The following VCAN variants were observed in gnomAD, a reference collection of about 807,000 sequenced individuals.
The protein encoded by VCAN is versican.
A neutral mutation model predicts 245.5 loss-of-function variants in VCAN; 44 were observed. The ratio of observed to expected loss-of-function variants is 0.18; its 90% CI spans 0.14 to 0.23. The LOEUF is 0.23. Among genes scored for constraint, VCAN ranks in the 10% least tolerant of loss-of-function variants. VCAN has a pLI of 1.00. For missense variants in VCAN, 3,793 were observed against 4,057.9 expected, an observed-to-expected ratio of 0.93 and a Z score of 1.77; for synonymous variants, 1,413 against 1,437.0, an observed-to-expected ratio of 0.98 and a Z score of 0.38.
chr5:83,540,184 C>A lies in VCAN; in HGVS notation c.7181C>A (p.Thr2394Lys). 6.2e-7 allele frequency: 1 copy of A among 1,614,038 alleles called. No homozygotes were observed. The highest frequency in any genetic ancestry group is 8.5e-7 in the Non-Finnish European group (1 of 1,179,986). ...TCTTCAACAGCAGAAATTAACGAAA[C>A]AACAACCTCATCTACTGATTTTCTG... is the stretch of plus-strand genomic sequence containing the variant. ...KNSSTAEINE[T>K]TTSSTDFLAR... The change falls in exon 8 of 15, where the codon ACA becomes AAA. Residue 2394 changes from threonine (T) to lysine (K), a missense_variant. Transcript: ENST00000265077.
rs78950441 is a variant in VCAN at position 83,493,293 on chromosome 5, C to G, written c.446-253C>G. ...ACTATTGGGATTCAGTGACTTAAAT[C>G]TCTTCCTTGATCTAGGAGATCCCCT... On this transcript the variant is annotated intron_variant, in intron 3 of 14. Coordinates refer to ENST00000265077, the MANE Select transcript of VCAN (RefSeq NM_004385.5). Among the ~76,000 whole-genome samples the G allele has an allele frequency of 3.0e-3, 457 of 152,286 alleles. 1 individual carries two copies. Among genetic ancestry groups the G allele is most frequent in the Middle Eastern group, 0.024 (7 of 292 alleles).
Position 83,521,626 on chromosome 5 carries a change from G to A in VCAN, c.3320G>A (p.Gly1107Asp), listed in dbSNP as rs200488735. 1.9e-6 allele frequency: 3 copies of A among 1,613,902 alleles called. No individual in the cohort carries two copies. The highest frequency in any genetic ancestry group is 3.3e-5 in the Admixed American group (2 of 60,002). Reference sequence around the variant, plus strand: ...GATCACAGTGTGTCTTATCCACCAGGTGCTGTAACTGAGCACAAAGTGAAA... The same window carrying A: ...GATCACAGTGTGTCTTATCCACCAGATGCTGTAACTGAGCACAAAGTGAAA... ...KIDHSVSYPP[G>D]AVTEHKVKTD... is the part of the protein sequence containing the mutation. Residue 1107 changes from glycine (G) to aspartate (D), a missense_variant, in exon 7 of 15, where the codon GGT becomes GAT. Coordinates refer to ENST00000265077, the MANE Select transcript of VCAN (RefSeq NM_004385.5).
Position 83,541,730 on chromosome 5 carries a change from A to C in VCAN, c.8727A>C (p.Leu2909Phe), listed in dbSNP as rs1421929642. The C allele has an allele frequency of 1.2e-6, 2 of 1,613,958 alleles. No homozygotes were observed. The highest frequency in any genetic ancestry group is 1.3e-5 in the African/African-American group (1 of 74,928). Residue 2909 changes from leucine to phenylalanine, a missense_variant, in exon 8 of 15, where the codon TTA (leucine) becomes TTC (phenylalanine). Transcript: ENST00000265077. The part of the protein sequence containing the change: ...EPSEDDGKPE[L>F]LEEMEASPTE... Reference sequence around the variant, plus strand: ...CAGAAGATGATGGTAAACCTGAGTTATTAGAAGAAATGGAAGCTTCTCCCA... The same window carrying C: ...CAGAAGATGATGGTAAACCTGAGTTCTTAGAAGAAATGGAAGCTTCTCCCA...
At chr5:83,477,340 A>G (rs923648246) in intron 1 of VCAN, among the ~76,000 whole-genome samples, 5 of 152,180 alleles carry the variant, frequency 3.3e-5, no homozygotes, top group Non-Finnish European at 7.4e-5. Flanking sequence ...GTTTAGTTTC[A>G]TTAATCAGAA....
At position 83,520,787 on chromosome 5, in the gene VCAN, C is replaced by A. The variant is rs1365692916; in HGVS notation, c.2481C>A (p.Pro827=). 1.2e-6 allele frequency: 2 copies of A among 1,614,084 alleles called. No homozygotes were observed. Among genetic ancestry groups the A allele is most frequent in the Non-Finnish European group, 1.7e-6 (2 of 1,179,992 alleles). The change falls in exon 7 of 15, where the codon CCC becomes CCA. Residue 827 remains proline (P), a synonymous_variant. Coordinates refer to ENST00000265077, the MANE Select transcript of VCAN (RefSeq NM_004385.5). ...AACCTTCAGCCTCTTCAAAATTGCC[C>A]CCTGCCTTACTCACAACTGTGGGGA... ...STEPSASSKL[P]PALLTTVGMN...
At chr5:83,575,642 C>T (rs531437498) in intron 13 of VCAN, among the ~76,000 whole-genome samples, 1 of 152,284 alleles carries the variant, frequency 6.6e-6, no homozygotes, top group East Asian at 1.9e-4. Flanking sequence ...TTAGCATAAT[C>T]CCTGCCCTTT....
At chr5:83,572,348 A>C (rs933250977) in intron 12 of VCAN, 68 bp from the exon 13 acceptor site, 428 of 1,545,666 alleles carry the variant, frequency 2.8e-4, no homozygotes, top group Non-Finnish European at 3.4e-4. Context: ...ATTGTGATAT[A>C]ATACCGTCGT....
chr5:83,535,996 G>A (rs370938518), intron 7 of VCAN: 7 of 152,250 alleles, frequency 4.6e-5, no homozygotes, highest in African/African-American at 1.7e-4. Flanking sequence ...CCTCTATGAT[G>A]AGACCTCAGA....
chr5:83,486,420 C>A (rs1236660834), intron 2 of VCAN, among the ~76,000 whole-genome samples: 1 of 152,120 alleles, frequency 6.6e-6, no homozygotes, highest in Non-Finnish European at 1.5e-5. Flanking sequence ...CCAATTGGAT[C>A]ATGAAGACAT....
At chr5:83,529,363 A>C (rs1251378842) in intron 7 of VCAN, among the ~76,000 whole-genome samples, 1 of 151,460 alleles carries the variant, frequency 6.6e-6, no homozygotes, top group Non-Finnish European at 1.5e-5. Context: ...CACCACAATA[A>C]AAAAGAACAA....
intron 7 of VCAN, chr5:83,536,729 C>T (rs191828466): frequency 3.9e-6 from 1 of 254,172 alleles, no homozygotes; most frequent in East Asian, 7.5e-5. Context: ...TATGTGATTC[C>T]TTGCTTCATT....
chr5:83,575,582 G>A (rs1314193261), intron 13 of VCAN, among the ~76,000 whole-genome samples: 1 of 152,054 alleles, frequency 6.6e-6, no homozygotes, highest in Non-Finnish European at 1.5e-5. Context: ...TGACATTTTT[G>A]GTCAGATAAT....
At chr5:83,560,785 C>T (rs1580068583) in intron 12 of VCAN, among the ~76,000 whole-genome samples, 1 of 152,066 alleles carries the variant, frequency 6.6e-6, no homozygotes, top group Non-Finnish European at 1.5e-5. Flanking sequence ...CTCTTGGACC[C>T]TCTGGAGTAA....
Position 83,545,559 on chromosome 5 carries a change from C to A in VCAN, c.9288C>A (p.Asn3096Lys). ...TAGGACCTGATCGCTGCAAAATGAA[C>A]CCGTGCCTTAACGGAGGCACCTGTT... The part of the protein sequence containing the change: ...YLPGPDRCKM[N>K]PCLNGGTCYP... The change falls in exon 9 of 15, where the codon AAC (asparagine) becomes AAA (lysine). Residue 3096 changes from asparagine to lysine, a missense_variant. Coordinates refer to ENST00000265077, the MANE Select transcript of VCAN (RefSeq NM_004385.5). 1.9e-6 allele frequency: 3 copies of A among 1,614,096 alleles called. No homozygotes were observed. The highest frequency in any genetic ancestry group is 2.5e-6 in the Non-Finnish European group (3 of 1,179,978).
intron 9 of VCAN, 35 bp from the exon 10 acceptor site, chr5:83,547,936 A>C (rs748452889): frequency 6.9e-7 from 1 of 1,450,164 alleles, no homozygotes; most frequent in South Asian, 1.1e-5. Flanking sequence ...ATACTTTTTG[A>C]AAGTATTTTG....
In VCAN at chr5:83,520,735, C is replaced by T. The variant is rs969397788; in HGVS notation, c.2429C>T (p.Thr810Ile). ...VSKWSWDEDN[T>I]TSKPLESTEP... ...AAATGGTCATGGGATGAAGATAATA[C>T]AACATCCAAGCCTTTAGAGTCTACA... The change falls in exon 7 of 15, where the codon ACA (threonine) becomes ATA (isoleucine). Residue 810 changes from threonine to isoleucine, a missense_variant. Transcript: ENST00000265077. 1.2e-6 allele frequency: 2 copies of T among 1,614,022 alleles called. No homozygotes were observed. The highest frequency in any genetic ancestry group is 2.7e-5 in the African/African-American group (2 of 74,924).
At chr5:83,570,716 T>C (rs1748255181) in intron 12 of VCAN, among the ~76,000 whole-genome samples, 1 of 152,064 alleles carries the variant, frequency 6.6e-6, no homozygotes, top group Non-Finnish European at 1.5e-5. Flanking sequence ...TAGCTAAGTA[T>C]AGTACTTTGG....
rs773919986 is a variant in VCAN at position 83,537,097 on chromosome 5, A to G, written c.4094A>G (p.His1365Arg). Residue 1365 changes from histidine to arginine, a missense_variant, in exon 8 of 15, where the codon CAT becomes CGT. By Grantham distance (29) the His-to-Arg change is conservative. Around this residue, in one of 5 missense-constraint regions of VCAN, gnomAD observed 3,182 missense variants for 3,250.3 expected, o/e 0.98. Transcript: ENST00000265077. ...EPCSEETDPV[H>R]DLMAEILPEF... ...TGTAGTGAAGAAACAGATCCAGTGCATGATCTAATGGCTGAAATTTTACCT... is the reference window on the plus strand; with the variant it reads ...TGTAGTGAAGAAACAGATCCAGTGCGTGATCTAATGGCTGAAATTTTACCT... 2 of 1,613,890 alleles carry G rather than the reference A, an allele frequency of 1.2e-6. No individual in the cohort carries two copies. Among genetic ancestry groups the G allele is most frequent in the Non-Finnish European group, 8.5e-7 (1 of 1,179,872 alleles).
chr5:83,547,424 A>G (rs1747270243), intron 9 of VCAN, among the ~76,000 whole-genome samples: 1 of 152,180 alleles, frequency 6.6e-6, no homozygotes, highest in African/African-American at 2.4e-5. Context: ...GCCCTGGGCA[A>G]TTGGGATCCA....
Sources: gnomAD v4.1 joint callset for allele counts (sites outside exome capture counted in the v4.1 genomes callset) on GRCh38, gnomAD v4.1.1 for gene constraint, gnomAD v4.1.1 regional missense constraint, MANE v1.5 for transcripts, NCBI Gene and HGNC (gene_info 2026-07-23, HGNC 2026-07-21) for gene names.